Variants in SPDYE3 observed in about 807,000 individuals in gnomAD.
SPDYE3 encodes the protein speedy/RINGO cell cycle regulator family member E3, also known as speedy protein E3.
In SPDYE3, 15 loss-of-function variants were observed where a neutral mutation model predicts 55.0. That is an observed-to-expected ratio of 0.27 (90% CI 0.18 to 0.42). SPDYE3 has a LOEUF of 0.42. Ranked by LOEUF, SPDYE3 falls within the 10% of genes least tolerant of loss-of-function variation. The probability of loss-of-function intolerance (pLI) is 1.00; values close to 1 mark genes in which losing one functional copy is unlikely to be tolerated. For missense variants in SPDYE3, 236 were observed against 576.7 expected (o/e 0.41, Z 6.05); for synonymous variants, 89 against 229.9 (o/e 0.39, Z 5.55).
chr7:100,315,990 G>A, intron 7 of SPDYE3, 147 bp downstream of exon 7: 1 of 1,337,964 alleles, frequency 7.5e-7, no homozygotes, highest in Non-Finnish European at 1.0e-6. Context: ...TTTTTTTTGT[G>A]AGACACAGTC....
intron 7 of SPDYE3, among the ~76,000 whole-genome samples, chr7:100,316,366 A>G (rs1433817565): frequency 1.3e-5 from 2 of 152,248 alleles, no homozygotes; most frequent in East Asian, 3.9e-4. Flanking sequence ...GCATGATCAT[A>G]GCTCACTCTA....
At chr7:100,312,924 G>A (rs573459575) in intron 4 of SPDYE3, among the ~76,000 whole-genome samples, 1 of 150,576 alleles carries the variant, frequency 6.6e-6, no homozygotes, top group South Asian at 2.1e-4. Flanking sequence ...ACCAGGGAAC[G>A]ATATGTCGCA....
chr7:100,318,009 A>G (rs1239909506), intron 8 of SPDYE3, among the ~76,000 whole-genome samples: 2 of 151,514 alleles, frequency 1.3e-5, no homozygotes, highest in Non-Finnish European at 2.9e-5. Flanking sequence ...ACAAAAAACA[A>G]AAGGAACCAT....
intron 8 of SPDYE3, among the ~76,000 whole-genome samples, chr7:100,317,784 T>G (rs1001312738): frequency 6.8e-6 from 1 of 147,998 alleles, no homozygotes. Context: ...GCTAACATGG[T>G]GAAACCCTGT....
intron 7 of SPDYE3, 39 bp downstream of exon 7, chr7:100,315,882 C>T (rs776560609): frequency 1.8e-5 from 29 of 1,598,388 alleles, no homozygotes; most frequent in Middle Eastern, 2.2e-4. Flanking sequence ...CCTGTTCTAA[C>T]GCACGGCCAG....
At chr7:100,309,477 T>C (rs1388542231) in intron 2 of SPDYE3, among the ~76,000 whole-genome samples, 2 of 137,458 alleles carry the variant, frequency 1.5e-5, no homozygotes, top group African/African-American at 5.3e-5. Flanking sequence ...AGAGGATTGC[T>C]TGAACTCAGG....
intron 2 of SPDYE3, among the ~76,000 whole-genome samples, chr7:100,310,151 C>T (rs1259691661): frequency 7.3e-6 from 1 of 136,346 alleles, no homozygotes; most frequent in Non-Finnish European, 1.6e-5. Flanking sequence ...AACGATATGA[C>T]GCAGTGTTCT....
intron 8 of SPDYE3, among the ~76,000 whole-genome samples, chr7:100,318,910 A>ATTTAT (rs1789509116): frequency 6.7e-6 from 1 of 149,738 alleles, no homozygotes; most frequent in Non-Finnish European, 1.5e-5. Flanking sequence ...TTATTTATTT[A>ATTTAT]TTTATTTATT....
Position 100,321,794 on chromosome 7 carries a change from G to T in SPDYE3, c.*949G>T, listed in dbSNP as rs556996109. The T allele has an allele frequency of 4.7e-5, 7 of 147,712 alleles. No individual in the cohort carries two copies. The highest frequency in any genetic ancestry group is 1.0e-4 in the Non-Finnish European group (7 of 67,102). The allele number at this position is 147,712 out of a possible 1,614,324, so 9.2% of individuals were successfully genotyped here. A position where few individuals can be genotyped will look rare whatever the true frequency, so the allele number is the denominator to read the frequency against. On this transcript the variant is annotated 3_prime_UTR_variant, in exon 11 of 11. Transcript: ENST00000332397. The stretch of plus-strand genomic sequence containing the variant: ...ATTTATTTCGAAAAAGATGGGCAAA[G>T]AATTATTTAAATATTATTTTATTTA...
rs1253430113 is a variant in SPDYE3, at chr7:100,307,987, A to G, written c.102A>G (p.Pro34=). 13 of 1,553,236 alleles carry G rather than the reference A, an allele frequency of 8.4e-6. No individual in the cohort carries two copies. Among genetic ancestry groups the G allele is most frequent in the Admixed American group, 7.6e-5 (4 of 52,386 alleles). ...QEVVDDEVSG[P]SAPGVDPSPP... is the part of the protein sequence containing the mutation. Reference sequence around the variant, plus strand: ...TGGTGGATGATGAAGTGTCGGGACCATCAGGTGAGGGGACTGGAGGAAGAA... The same window carrying G: ...TGGTGGATGATGAAGTGTCGGGACCGTCAGGTGAGGGGACTGGAGGAAGAA... Residue 34 remains proline, a synonymous_variant, in exon 1 of 11, where the codon CCA becomes CCG. Coordinates refer to ENST00000332397, the MANE Select transcript of SPDYE3 (RefSeq NM_001004351.5).
rs528345887 is a variant in SPDYE3, at chr7:100,321,411, T to C, written c.*566T>C. The C allele has an allele frequency of 6.8e-4, 166 of 245,138 alleles. No homozygotes were observed. Among genetic ancestry groups the C allele is most frequent in the African/African-American group, 3.5e-3 (151 of 42,918 alleles). The allele number at this position is 245,138 out of a possible 1,614,324, so 15.2% of individuals were successfully genotyped here. A position where few individuals can be genotyped will look rare whatever the true frequency, so the allele number is the denominator to read the frequency against. ...AAATAGTTTGGAAATTGTTGTACTT[T>C]TGAAAACATGCTGTTCCTGTAGAGT... is the stretch of plus-strand genomic sequence containing the variant. On this transcript the variant is annotated 3_prime_UTR_variant, in exon 11 of 11. Transcript: ENST00000332397.
rs748421476 is a variant in SPDYE3 at position 100,319,704 on chromosome 7, G to A, written c.1486G>A (p.Ala496Thr). The A allele has an allele frequency of 3.1e-6, 5 of 1,614,102 alleles. No individual in the cohort carries two copies. The Admixed American group carries it at 6.7e-5, about 22-fold the overall frequency. Residue 496 changes from alanine to threonine, a missense_variant, in exon 9 of 11, where the codon GCC (alanine) becomes ACC (threonine). Transcript: ENST00000332397. Reference sequence around the variant, plus strand: ...GTTATGCCGTCCCATGAACCCGAGGGCCAGGAAGAACTGCTCTCAGATAGC... The same window carrying A: ...GTTATGCCGTCCCATGAACCCGAGGACCAGGAAGAACTGCTCTCAGATAGC... ...FQLCRPMNPRARKNCSQIALF... is the reference protein window; with the variant it reads ...FQLCRPMNPRTRKNCSQIALF...
At chr7:100,312,321 G>GC (rs1389139670) in intron 4 of SPDYE3, among the ~76,000 whole-genome samples, 2 of 148,404 alleles carry the variant, frequency 1.3e-5, no homozygotes, top group African/African-American at 5.0e-5. Flanking sequence ...GGGTGACAGA[G>GC]CAAAACTCTG....
In SPDYE3 at chr7:100,319,958, G is replaced by C. The variant is rs546672565; in HGVS notation, c.1618G>C (p.Val540Leu). 6.2e-7 allele frequency: 1 copy of C among 1,611,054 alleles called. No homozygotes were observed. Among genetic ancestry groups the C allele is most frequent in the Non-Finnish European group, 8.5e-7 (1 of 1,179,932 alleles). ...CCAGGCTTATGACCCAGAGCACTGG[G>C]TGTGGGCGCGAGATCGCGCCCACCT... ...EIQAYDPEHW[V>L]WARDRAHLS The change falls in exon 10 of 11, where the codon GTG becomes CTG. Residue 540 changes from valine (V) to leucine (L), a missense_variant. Coordinates refer to ENST00000332397, the MANE Select transcript of SPDYE3 (RefSeq NM_001004351.5).
intron 6 of SPDYE3, among the ~76,000 whole-genome samples, chr7:100,315,476 G>T (rs1806080311): frequency 6.6e-6 from 1 of 152,110 alleles, no homozygotes; most frequent in South Asian, 2.1e-4. Flanking sequence ...ATGAGGAAAT[G>T]ATGGGAATTC....
chr7:100,316,540 C>T (rs1466834093), intron 7 of SPDYE3, among the ~76,000 whole-genome samples: 1 of 152,170 alleles, frequency 6.6e-6, no homozygotes, highest in Non-Finnish European at 1.5e-5. Context: ...CTCCTGTCTC[C>T]ACCTCTCAAA....
chr7:100,312,448 G>C (rs1170926434), intron 4 of SPDYE3, among the ~76,000 whole-genome samples: 2 of 130,316 alleles, frequency 1.5e-5, no homozygotes, highest in Non-Finnish European at 3.3e-5. Flanking sequence ...AGTGAGCCAA[G>C]ATCGTGCTAC....
Position 100,319,823 on chromosome 7 carries a change from G to A in SPDYE3, c.1590+15G>A, listed in dbSNP as rs766292528. The A allele has an allele frequency of 6.2e-7, 1 of 1,614,108 alleles. No individual in the cohort carries two copies. The highest frequency in any genetic ancestry group is 1.1e-5 in the South Asian group (1 of 91,078). On this transcript the variant is annotated intron_variant, in intron 9 of 10. Coordinates refer to ENST00000332397, the MANE Select transcript of SPDYE3 (RefSeq NM_001004351.5). ...AGTTGGAGGAGGTGGGTGGGGCCTG[G>A]GGAGGTGGAGGATGTGGGGAGGAAT...
intron 4 of SPDYE3, among the ~76,000 whole-genome samples, chr7:100,312,275 G>A (rs1805980502): frequency 6.9e-6 from 1 of 144,858 alleles, no homozygotes; most frequent in Non-Finnish European, 1.5e-5. Context: ...CTTTGAGGCT[G>A]CAGTGAGCTA....
Sources: gnomAD v4.1 joint callset for allele counts (sites outside exome capture counted in the v4.1 genomes callset) on GRCh38, gnomAD v4.1.1 for gene constraint, MANE v1.5 for transcripts, NCBI Gene and HGNC (gene_info 2026-07-23, HGNC 2026-07-21) for gene names.